Variants in MOB3B observed in about 807,000 individuals in gnomAD.
The protein encoded by MOB3B is MOB kinase activator 3B.
Under a neutral mutation model 18.7 loss-of-function variants are expected in MOB3B, and 7 were observed. The ratio of observed to expected loss-of-function variants is 0.37; its 90% CI spans 0.21 to 0.70. MOB3B has a LOEUF of 0.70. Ranked by LOEUF, MOB3B falls within the 30% of genes least tolerant of loss-of-function variation. MOB3B has a pLI of 0.52. For synonymous variants in MOB3B, 111 were observed against 99.9 expected (o/e 1.11, Z -0.66); for missense variants, 253 against 281.3 (o/e 0.90, Z 0.72).
At chr9:27,459,012 C>CG (rs533239247) in intron 1 of MOB3B, among the ~76,000 whole-genome samples, 1 of 57,250 alleles carries the variant, frequency 1.7e-5, no homozygotes, top group African/African-American at 1.4e-4. Context: ...ATCAGGTAGG[C>CG]CCCCCCCCAT....
intron 3 of MOB3B, among the ~76,000 whole-genome samples, chr9:27,340,161 A>G (rs867469640): frequency 1.2e-4 from 18 of 152,226 alleles, no homozygotes; most frequent in African/African-American, 3.9e-4. Context: ...AACAGCCCAC[A>G]TTACTGACAC....
chr9:27,371,724 A>G (rs1375762331), intron 2 of MOB3B, among the ~76,000 whole-genome samples: 1 of 151,816 alleles, frequency 6.6e-6, no homozygotes, highest in Non-Finnish European at 1.5e-5. Context: ...CAGCCTGGAG[A>G]GTGTATTATG....
rs573076735 is a variant in MOB3B, at chr9:27,452,212, C to T, written c.418+2921G>A. On this transcript the variant is annotated intron_variant, in intron 2 of 3. Coordinates refer to ENST00000262244, the MANE Select transcript of MOB3B (RefSeq NM_024761.5). Reference sequence around the variant, plus strand: ...AACATCCATCCACCCACCCGTCCATCCATCCATCCATCCATCCATCCAATA... The same window carrying T: ...AACATCCATCCACCCACCCGTCCATTCATCCATCCATCCATCCATCCAATA... Among the ~76,000 whole-genome samples, 16 of 152,252 alleles carry T rather than the reference C, an allele frequency of 1.1e-4. 1 individual carries two copies. The highest frequency in any genetic ancestry group is 3.4e-3 in the Middle Eastern group (1 of 294).
At chr9:27,335,348 T>A (rs72617314) in intron 3 of MOB3B, among the ~76,000 whole-genome samples, 34,495 of 152,104 alleles carry the variant, frequency 0.23, 4,118 homozygotes, top group East Asian at 0.28. Context: ...GGAAAGTAAG[T>A]GACTTCCCTA....
intron 1 of MOB3B, among the ~76,000 whole-genome samples, chr9:27,457,920 T>C (rs954401830): frequency 3.3e-5 from 5 of 152,162 alleles, no homozygotes; most frequent in African/African-American, 7.2e-5. Context: ...TAAAAGAGAC[T>C]TAGCTTGCCT....
intron 2 of MOB3B, among the ~76,000 whole-genome samples, chr9:27,440,666 G>A (rs144308545): frequency 2.0e-5 from 3 of 152,154 alleles, no homozygotes; most frequent in East Asian, 1.9e-4. Context: ...CACCAGTTAC[G>A]CATCTAGTCT....
intron 3 of MOB3B, among the ~76,000 whole-genome samples, chr9:27,350,756 A>C (rs1441200600): frequency 6.6e-6 from 1 of 152,136 alleles, no homozygotes; most frequent in Admixed American, 6.5e-5. Flanking sequence ...GAGCCTTTGC[A>C]TTATCCTGAA....
At chr9:27,493,765 C>T (rs1819857462) in intron 1 of MOB3B, among the ~76,000 whole-genome samples, 1 of 152,068 alleles carries the variant, frequency 6.6e-6, no homozygotes, top group Non-Finnish European at 1.5e-5. Flanking sequence ...GCCTCAGGAC[C>T]CTGTAATAAT....
intron 1 of MOB3B, among the ~76,000 whole-genome samples, chr9:27,516,423 A>G (rs543574667): frequency 6.6e-6 from 1 of 152,326 alleles, no homozygotes; most frequent in Admixed American, 6.5e-5. Flanking sequence ...AAATAGCCCA[A>G]AGAGTTTGAC....
At chr9:27,398,966 C>T (rs920295290) in intron 2 of MOB3B, among the ~76,000 whole-genome samples, 1 of 139,886 alleles carries the variant, frequency 7.1e-6, no homozygotes, top group Non-Finnish European at 1.6e-5. Context: ...TGCAAAATGG[C>T]AATTTTTTAG....
At chr9:27,332,406 CATG>C (rs1820803191) in intron 3 of MOB3B, among the ~76,000 whole-genome samples, 1 of 152,306 alleles carries the variant, frequency 6.6e-6, no homozygotes, top group East Asian at 1.9e-4. Context: ...AAAGTGTGTT[CATG>C]GGATAAACAG....
At chr9:27,522,379 T>C (rs866841403) in intron 1 of MOB3B, among the ~76,000 whole-genome samples, 1 of 147,214 alleles carries the variant, frequency 6.8e-6, no homozygotes, top group African/African-American at 2.5e-5. Context: ...CAGTTAGAGA[T>C]AGTGACTCAA....
rs187463041 is a variant in MOB3B at position 27,333,075 on chromosome 9, C to G, written c.622-2459G>C. Among the ~76,000 whole-genome samples, 149 of 152,178 alleles carry G rather than the reference C, an allele frequency of 9.8e-4. 2 individuals are homozygous for G. Among genetic ancestry groups the G allele is most frequent in the African/African-American group, 3.5e-3 (147 of 41,516 alleles). ...ATGGGCAAATACTAGAACAATTATG[C>G]CACTGAGAGAGTATGGACACTAGAA... On this transcript the variant is annotated intron_variant, in intron 3 of 3. Coordinates refer to ENST00000262244, the MANE Select transcript of MOB3B (RefSeq NM_024761.5).
intron 3 of MOB3B, 46 bp from the exon 4 acceptor site, chr9:27,330,662 A>G (rs761852295): frequency 1.2e-6 from 2 of 1,612,778 alleles, no homozygotes; most frequent in Non-Finnish European, 1.7e-6. Flanking sequence ...CTATAAGCAG[A>G]GCAACGATTT....
At chr9:27,517,144 C>T (rs764848321) in intron 1 of MOB3B, among the ~76,000 whole-genome samples, 5 of 152,146 alleles carry the variant, frequency 3.3e-5, no homozygotes, top group Non-Finnish European at 7.3e-5. Context: ...CCTGCTATCA[C>T]TCTCCTAATT....
intron 1 of MOB3B, among the ~76,000 whole-genome samples, chr9:27,520,334 G>A (rs1820305133): frequency 1.3e-5 from 2 of 152,192 alleles, no homozygotes; most frequent in South Asian, 4.1e-4. Context: ...GCCTGAACAT[G>A]TATAAACGAT....
chr9:27,508,151 C>T (rs2453564), intron 1 of MOB3B, among the ~76,000 whole-genome samples: 134,515 of 152,178 alleles, frequency 0.88, 59,795 homozygotes, highest in Admixed American at 0.92. Context: ...CTCAGGATAT[C>T]AAAATCCTAT....
intron 2 of MOB3B, among the ~76,000 whole-genome samples, chr9:27,415,543 C>T (rs1021554126): frequency 2.0e-5 from 3 of 151,492 alleles, no homozygotes; most frequent in Non-Finnish European, 4.4e-5. Flanking sequence ...GTGTTCTTTC[C>T]CGTAAAAAAA....
intron 2 of MOB3B, among the ~76,000 whole-genome samples, chr9:27,401,210 T>A (rs1821872990): frequency 6.6e-6 from 1 of 152,320 alleles, no homozygotes; most frequent in Non-Finnish European, 1.5e-5. Flanking sequence ...TTCCCTTCTG[T>A]TTCACATTCT....
Sources: allele counts gnomAD v4.1 joint callset (sites outside exome capture counted in the v4.1 genomes callset), GRCh38; gene constraint gnomAD v4.1.1; transcripts MANE v1.5; gene names NCBI Gene and HGNC (gene_info 2026-07-23, HGNC 2026-07-21).